The following CCDC148 variants were observed in gnomAD, a reference collection of about 807,000 sequenced individuals.
The protein encoded by CCDC148 is coiled-coil domain-containing protein 148.
In CCDC148, 89 loss-of-function variants were observed where a neutral mutation model predicts 85.7. The observed-to-expected ratio is 1.04, with a 90% CI of 0.87 to 1.24. The LOEUF is 1.24. Ranked by LOEUF, CCDC148 falls within the 50% of genes most tolerant of loss-of-function variation. CCDC148 has a pLI of 0.00. For missense variants in CCDC148, 692 were observed against 671.7 expected, an observed-to-expected ratio of 1.03 and a Z score of -0.33; for synonymous variants, 230 against 213.9, an observed-to-expected ratio of 1.08 and a Z score of -0.66.
intron 2 of CCDC148, among the ~76,000 whole-genome samples, chr2:158,345,784 C>A (rs1335012392): frequency 6.6e-6 from 1 of 152,060 alleles, no homozygotes. Context: ...ATCAGAGTAA[C>A]AAAGAACCTT....
intron 9 of CCDC148, among the ~76,000 whole-genome samples, chr2:158,279,242 G>A (rs769355507): frequency 5.9e-5 from 9 of 152,182 alleles, no homozygotes; most frequent in African/African-American, 1.2e-4. Flanking sequence ...CCAAAGGATC[G>A]CAGTTCCTCA....
At chr2:158,191,921 T>A (rs965751830) in intron 11 of CCDC148, among the ~76,000 whole-genome samples, 1 of 152,048 alleles carries the variant, frequency 6.6e-6, no homozygotes, top group African/African-American at 2.4e-5. Context: ...GGAACTCTGT[T>A]ACCTACCCTG....
chr2:158,305,035 T>A (rs1003587629), intron 9 of CCDC148, among the ~76,000 whole-genome samples: 2 of 151,682 alleles, frequency 1.3e-5, no homozygotes, highest in East Asian at 3.9e-4. Flanking sequence ...TCTCACAGAG[T>A]GCTCACAAAA....
rs745800180 is a variant in CCDC148, at chr2:158,178,914, CTT to C, written c.1451_1452del (p.Lys484ArgfsTer10). On this transcript the variant is annotated frameshift_variant, in exon 12 of 14. Transcript: ENST00000283233. LOFTEE classifies it high-confidence loss of function. Reference protein sequence around the residue: ...EVALQEAHEDKERARRLEALR... With the variant: ...EVALQEAHEDXERARRLEALR... Reference sequence around the variant, plus strand: ...AGGGCTTCTAGCCGCCGTGCTCTCTCTTTGTCTTCATGAGCTTCTTGAAGGGC... The same window carrying C: ...AGGGCTTCTAGCCGCCGTGCTCTCTCTGTCTTCATGAGCTTCTTGAAGGGC... 7 of 1,613,660 alleles carry C rather than the reference CTT, an allele frequency of 4.3e-6. No homozygotes were observed. The highest frequency in any genetic ancestry group is 1.7e-4 in the Middle Eastern group (1 of 6,058).
intron 3 of CCDC148, among the ~76,000 whole-genome samples, chr2:158,344,299 T>C (rs1432599921): frequency 1.3e-5 from 2 of 152,138 alleles, no homozygotes; most frequent in African/African-American, 4.8e-5. Context: ...TGTTTTTCTA[T>C]GTTTTAAGTT....
chr2:158,406,554 G>A (rs977777282), intron 1 of CCDC148, among the ~76,000 whole-genome samples: 4 of 150,596 alleles, frequency 2.7e-5, no homozygotes, highest in South Asian at 2.1e-4. Flanking sequence ...ATACACTTTC[G>A]GTAAGTAATT....
intron 12 of CCDC148, 56 bp from the exon 13 acceptor site, chr2:158,176,717 G>A: frequency 6.3e-7 from 1 of 1,592,228 alleles, no homozygotes; most frequent in Non-Finnish European, 8.6e-7. Context: ...ATATTTCTGG[G>A]CAACATTATT....
intron 10 of CCDC148, among the ~76,000 whole-genome samples, chr2:158,225,437 G>A (rs1687453634): frequency 6.6e-6 from 1 of 152,040 alleles, no homozygotes; most frequent in Admixed American, 6.5e-5. Context: ...CTTGAACTCA[G>A]CTCTGCACCA....
intron 1 of CCDC148, among the ~76,000 whole-genome samples, chr2:158,423,672 T>G (rs1229454839): frequency 3.9e-5 from 6 of 152,102 alleles, no homozygotes; most frequent in African/African-American, 9.7e-5. Flanking sequence ...ACTTCATGAC[T>G]AAAACACCAA....
chr2:158,246,566 A>G (rs1220257689), intron 10 of CCDC148, among the ~76,000 whole-genome samples: 1 of 152,088 alleles, frequency 6.6e-6, no homozygotes, highest in Non-Finnish European at 1.5e-5. Context: ...GCTGAAGCCT[A>G]AGGACTTGAG....
At chr2:158,225,501 C>T (rs996017387) in intron 10 of CCDC148, among the ~76,000 whole-genome samples, 2 of 152,190 alleles carry the variant, frequency 1.3e-5, no homozygotes, top group African/African-American at 2.4e-5. Flanking sequence ...ACAGAATATA[C>T]ATTCTTCTCA....
At chr2:158,238,297 G>C (rs981554442) in intron 10 of CCDC148, among the ~76,000 whole-genome samples, 1 of 152,008 alleles carries the variant, frequency 6.6e-6, no homozygotes, top group South Asian at 2.1e-4. Context: ...CAAATGGAGG[G>C]ACTAGCCTTA....
chr2:158,327,914 T>A (rs1349080177), intron 7 of CCDC148, among the ~76,000 whole-genome samples: 1 of 152,120 alleles, frequency 6.6e-6, no homozygotes, highest in Non-Finnish European at 1.5e-5. Flanking sequence ...GCAAACTCTG[T>A]TTCTTTCTTT....
At chr2:158,441,691 A>G (rs1224774757) in intron 1 of CCDC148, among the ~76,000 whole-genome samples, 1 of 152,194 alleles carries the variant, frequency 6.6e-6, no homozygotes, top group Non-Finnish European at 1.5e-5. Flanking sequence ...TTATGATCTG[A>G]AAAAGTACAT....
At chr2:158,243,492 A>T (rs1359098032) in intron 10 of CCDC148, among the ~76,000 whole-genome samples, 1 of 152,022 alleles carries the variant, frequency 6.6e-6, no homozygotes, top group Non-Finnish European at 1.5e-5. Flanking sequence ...CCTCAGACAA[A>T]AGCTATACCA....
chr2:158,346,725 C>T (rs760469818), intron 2 of CCDC148, among the ~76,000 whole-genome samples: 25 of 152,078 alleles, frequency 1.6e-4, no homozygotes, highest in Non-Finnish European at 3.1e-4. Context: ...TGTTAAAGTA[C>T]TTAGTACCCT....
chr2:158,338,962 C>G (rs969568758), intron 6 of CCDC148, 28 bp downstream of exon 6: 2 of 1,599,828 alleles, frequency 1.3e-6, no homozygotes, highest in African/African-American at 1.3e-5. Flanking sequence ...TTGATAAACA[C>G]ATAAATTATT....
intron 1 of CCDC148, among the ~76,000 whole-genome samples, chr2:158,438,701 G>A (rs1687786397): frequency 6.6e-6 from 1 of 152,074 alleles, no homozygotes; most frequent in South Asian, 2.1e-4. Flanking sequence ...CTACAGAATG[G>A]GAGAAAATTT....
In CCDC148 at chr2:158,366,636, G is replaced by T. The variant is rs372740178; in HGVS notation, c.26-8066C>A. On this transcript the variant is annotated intron_variant, in intron 1 of 13. Coordinates refer to ENST00000283233, the MANE Select transcript of CCDC148 (RefSeq NM_138803.4). ...TACCCAGTGACTGAGGAAGGCAGGGGTGTAAAGCTATTTGGGCCCAATGTA... is the reference window on the plus strand; with the variant it reads ...TACCCAGTGACTGAGGAAGGCAGGGTTGTAAAGCTATTTGGGCCCAATGTA... 3.3e-5 allele frequency among the ~76,000 whole-genome samples: 5 copies of T among 152,122 alleles called. No individual in the cohort carries two copies. The East Asian group carries it at 7.7e-4, about 24-fold the overall frequency.
Sources: allele counts gnomAD v4.1 joint callset (sites outside exome capture counted in the v4.1 genomes callset), GRCh38; gene constraint gnomAD v4.1.1; transcripts MANE v1.5; gene names NCBI Gene and HGNC (gene_info 2026-07-23, HGNC 2026-07-21).